The following MIS18BP1 variants were observed in gnomAD, a reference collection of about 807,000 sequenced individuals.
MIS18BP1 encodes mis18-binding protein 1.
In MIS18BP1, 72 loss-of-function variants were observed where a neutral mutation model predicts 116.1. The observed-to-expected ratio is 0.62, with a 90% CI of 0.51 to 0.75. The LOEUF is 0.75. Ranked by LOEUF, MIS18BP1 falls within the 30% of genes least tolerant of loss-of-function variation. The probability of loss-of-function intolerance (pLI) is 0.00; values close to 1 mark genes in which losing one functional copy is unlikely to be tolerated. For missense variants in MIS18BP1, 1,363 were observed against 1,303.2 expected (o/e 1.05, Z -0.71); for synonymous variants, 386 against 427.0 (o/e 0.90, Z 1.18).
Position 45,232,820 on chromosome 14 carries a change from C to T in MIS18BP1, c.1349G>A (p.Gly450Glu), listed in dbSNP as rs1324205542. 7.4e-7 allele frequency: 1 copy of T among 1,346,240 alleles called. No individual in the cohort carries two copies. The highest frequency in any genetic ancestry group is 2.1e-5 in the Admixed American group (1 of 48,168). The allele number at this position is 1,346,240 out of a possible 1,614,324, so 83.4% of individuals were successfully genotyped here. Residue 450 changes from glycine (G) to glutamate (E), a missense_variant and splice_region_variant, in exon 7 of 17, where the codon GGA (glycine) becomes GAA (glutamate). Gly to Glu is a moderately conservative substitution (Grantham distance 98). Coordinates refer to ENST00000310806, the MANE Select transcript of MIS18BP1 (RefSeq NM_018353.5). ...MIDQISMKEA[G>E]YPNYLIRKFM... The stretch of plus-strand genomic sequence containing the variant: ...TTTCCTTATGAGATAATTTGGATAT[C>T]CTATTTAAGGATAAACAACAACAAA...
intron 10 of MIS18BP1, among the ~76,000 whole-genome samples, chr14:45,225,702 A>C (rs1891106911): frequency 6.6e-6 from 1 of 152,192 alleles, no homozygotes; most frequent in South Asian, 2.1e-4. Flanking sequence ...AAAGAAAGCA[A>C]ATTAAAATGA....
rs767139459 is a variant in MIS18BP1, at chr14:45,217,147, T to C, written c.2875A>G (p.Ile959Val). The change falls in exon 13 of 17, where the codon ATT (isoleucine) becomes GTT (valine). Residue 959 changes from isoleucine to valine, a missense_variant. By Grantham distance (29) the Ile-to-Val change is conservative. Coordinates refer to ENST00000310806, the MANE Select transcript of MIS18BP1 (RefSeq NM_018353.5). The part of the protein sequence containing the change: ...KRGDADQKQT[I>V]KITAKVGTLK... ...GTTCCCACTTTGGCAGTTATCTTAA[T>C]AGTTTGTTTCTGATCAGCATCACCT... 1.2e-6 allele frequency: 2 copies of C among 1,614,166 alleles called. No individual in the cohort carries two copies. The highest frequency in any genetic ancestry group is 1.7e-5 in the Admixed American group (1 of 60,030).
At chr14:45,226,904 C>T in intron 9 of MIS18BP1, 68 bp from the exon 10 acceptor site, 1 of 1,183,106 alleles carries the variant, frequency 8.5e-7, no homozygotes, top group African/African-American at 1.6e-5. Context: ...GAAGCATTTT[C>T]ATAGTATGCA....
rs899526414 is a variant in MIS18BP1 at position 45,242,822 on chromosome 14, C to T, written c.597G>A (p.Pro199=). 1.9e-6 allele frequency: 3 copies of T among 1,613,190 alleles called. No homozygotes were observed. The highest frequency in any genetic ancestry group is 1.1e-5 in the South Asian group (1 of 91,028). The change falls in exon 3 of 17, where the codon CCG becomes CCA. Residue 199 remains proline (P), a synonymous_variant. Coordinates refer to ENST00000310806, the MANE Select transcript of MIS18BP1 (RefSeq NM_018353.5). The part of the protein sequence containing the change: ...LESSNNDIFL[P]VKQKIQCQQE... ...GCTGGCACTGAATCTTTTGTTTGAC[C>T]GGGAGGAAAATATCATTATTTGATG... is the stretch of plus-strand genomic sequence containing the variant.
At chr14:45,204,659 C>A (rs987377887) in intron 15 of MIS18BP1, among the ~76,000 whole-genome samples, 4 of 151,978 alleles carry the variant, frequency 2.6e-5, no homozygotes, top group African/African-American at 9.7e-5. Flanking sequence ...AATGTTGTTT[C>A]CCAGTGCTGG....
Position 45,210,502 on chromosome 14 carries a change from A to G in MIS18BP1, c.3030T>C (p.Asp1010=). Residue 1010 remains aspartate, a synonymous_variant, in exon 14 of 17, where the codon GAT becomes GAC. Coordinates refer to ENST00000310806, the MANE Select transcript of MIS18BP1 (RefSeq NM_018353.5). ...CCATATTTGGCAGAATATCATCATC[A>G]TCTTCACTGTCCTGGAAACTTGGCA... ...ILLPSFQDSE[D]DDDILPNMDK... is the part of the protein sequence containing the mutation. The G allele has an allele frequency of 6.2e-7, 1 of 1,614,060 alleles. No individual in the cohort carries two copies. Among genetic ancestry groups the G allele is most frequent in the Non-Finnish European group, 8.5e-7 (1 of 1,179,942 alleles).
At chr14:45,252,448 T>C (rs1206039631) in intron 1 of MIS18BP1, among the ~76,000 whole-genome samples, 1 of 152,218 alleles carries the variant, frequency 6.6e-6, no homozygotes, top group Non-Finnish European at 1.5e-5. Context: ...AGAAAAACTC[T>C]GGAAGCGGTG....
chr14:45,229,029 T>A (rs1390183693), intron 8 of MIS18BP1, among the ~76,000 whole-genome samples: 1 of 152,036 alleles, frequency 6.6e-6, no homozygotes, highest in Admixed American at 6.6e-5. Flanking sequence ...ATGAAGATAG[T>A]GTCTAACAGT....
At chr14:45,232,889 A>G (rs1891328353) in intron 6 of MIS18BP1, 69 bp from the exon 7 acceptor site, 1 of 732,458 alleles carries the variant, frequency 1.4e-6, no homozygotes. Flanking sequence ...TCATTAATTC[A>G]TTACATCATT....
intron 7 of MIS18BP1, 52 bp from the exon 8 acceptor site, chr14:45,231,350 AAAC>A (rs1397266801): frequency 6.9e-7 from 1 of 1,449,466 alleles, no homozygotes. Context: ...CAAAAAAACA[AAAC>A]AAAAAAAATC....
intron 7 of MIS18BP1, 193 bp from the exon 8 acceptor site, chr14:45,231,491 T>C (rs1358310983): frequency 2.1e-6 from 1 of 470,982 alleles, no homozygotes; most frequent in Non-Finnish European, 3.7e-6. Flanking sequence ...TGTAACATCT[T>C]AAGTCAGAGG....
chr14:45,219,650 C>T (rs1370341371), intron 11 of MIS18BP1, among the ~76,000 whole-genome samples: 1 of 152,202 alleles, frequency 6.6e-6, no homozygotes, highest in Non-Finnish European at 1.5e-5. Flanking sequence ...TGAACAGCTA[C>T]CAGCTGACCA....
intron 2 of MIS18BP1, among the ~76,000 whole-genome samples, chr14:45,243,084 T>C (rs1891629309): frequency 6.6e-6 from 1 of 152,116 alleles, no homozygotes; most frequent in Admixed American, 6.6e-5. Flanking sequence ...TATACCAACA[T>C]TACGGTGAGG....
rs370486102 is a variant in MIS18BP1, at chr14:45,203,489, T to C, written c.*620A>G. 2.0e-5 allele frequency: 3 copies of C among 152,148 alleles called. No individual in the cohort carries two copies. Among genetic ancestry groups the C allele is most frequent in the East Asian group, 3.9e-4 (2 of 5,194 alleles). The allele number at this position is 152,148 out of a possible 1,614,324, so 9.4% of individuals were successfully genotyped here. The stretch of plus-strand genomic sequence containing the variant: ...ACAAAATCTGTTCTCTAATTTTACC[T>C]AGTAAAATAATGGTAAAGCAATAAA... On this transcript the variant is annotated 3_prime_UTR_variant, in exon 17 of 17. Coordinates refer to ENST00000310806, the MANE Select transcript of MIS18BP1 (RefSeq NM_018353.5).
chr14:45,224,166 T>G lies in MIS18BP1; in HGVS notation c.2421A>C (p.Thr807=), dbSNP rs1318274087. 1.9e-6 allele frequency: 3 copies of G among 1,613,934 alleles called. No homozygotes were observed. In the African/African-American group the frequency reaches 4.0e-5, roughly 22 times the overall value. ...TCACTGGAATATTACTTGTGTTTCTTGTGCTCTTTCTCAGGTGAACCACTG... is the reference window on the plus strand; with the variant it reads ...TCACTGGAATATTACTTGTGTTTCTGGTGCTCTTTCTCAGGTGAACCACTG... ...KEAVVHLRKS[T]RNTSNIPVIL... is the part of the protein sequence containing the mutation. The change falls in exon 11 of 17, where the codon ACA becomes ACC. Residue 807 remains threonine (T), a synonymous_variant. Transcript: ENST00000310806.
At chr14:45,237,970 A>G (rs2139224263) in intron 4 of MIS18BP1, among the ~76,000 whole-genome samples, 1 of 152,326 alleles carries the variant, frequency 6.6e-6, no homozygotes, top group South Asian at 2.1e-4. Context: ...ATTATACTTC[A>G]AATACTCTAT....
rs1162883118 is a variant in MIS18BP1, at chr14:45,237,356, T to C, written c.1217+292A>G. Among the ~76,000 whole-genome samples the C allele has an allele frequency of 2.0e-5, 3 of 152,184 alleles. No individual in the cohort carries two copies. In the East Asian group the frequency reaches 5.8e-4, roughly 29 times the overall value. ...GTAGTAAATATTAACTGATCATATA[T>C]AATTAAGCAGATAATACCAGTCCAC... On this transcript the variant is annotated intron_variant, in intron 5 of 16. Coordinates refer to ENST00000310806, the MANE Select transcript of MIS18BP1 (RefSeq NM_018353.5).
Position 45,242,017 on chromosome 14 carries a change from C to T in MIS18BP1, c.1143+17G>A. The T allele has an allele frequency of 6.3e-7, 1 of 1,584,180 alleles. No homozygotes were observed. Among genetic ancestry groups the T allele is most frequent in the Non-Finnish European group, 8.6e-7 (1 of 1,167,162 alleles). On this transcript the variant is annotated intron_variant, in intron 4 of 16. Coordinates refer to ENST00000310806, the MANE Select transcript of MIS18BP1 (RefSeq NM_018353.5). ...GGTAAAAATAGAAATAAATATCTGTCTTAAAAGTTTTCCCACCTGATTTTT... is the reference window on the plus strand; with the variant it reads ...GGTAAAAATAGAAATAAATATCTGTTTTAAAAGTTTTCCCACCTGATTTTT...
In MIS18BP1 at chr14:45,204,082, T is replaced by G; in HGVS notation, c.*27A>C. The G allele has an allele frequency of 1.2e-6, 2 of 1,602,770 alleles. No individual in the cohort carries two copies. The highest frequency in any genetic ancestry group is 1.7e-6 in the Non-Finnish European group (2 of 1,175,986). On this transcript the variant is annotated 3_prime_UTR_variant, in exon 17 of 17. Transcript: ENST00000310806. ...AACACTGTCTGCTTTATGGTAAAAA[T>G]CCCAGGAATCATATTTTCTCATTTT...
Sources: gnomAD v4.1 joint callset for allele counts (sites outside exome capture counted in the v4.1 genomes callset) on GRCh38, gnomAD v4.1.1 for gene constraint, MANE v1.5 for transcripts, NCBI Gene and HGNC (gene_info 2026-07-23, HGNC 2026-07-21) for gene names.